Variants in SLC25A21 observed in about 807,000 individuals in gnomAD.
SLC25A21 encodes solute carrier family 25 member 21.
In SLC25A21, 47 loss-of-function variants were observed where a neutral mutation model predicts 43.8. The ratio of observed to expected loss-of-function variants is 1.07; its 90% CI spans 0.85 to 1.37. The LOEUF is 1.37. Ranked by LOEUF, SLC25A21 falls within the 40% of genes most tolerant of loss-of-function variation. The pLI is 0.00. For missense variants in SLC25A21, 352 were observed against 350.2 expected, an observed-to-expected ratio of 1.00 and a Z score of -0.04; for synonymous variants, 131 against 121.3, an observed-to-expected ratio of 1.08 and a Z score of -0.52.
intron 2 of SLC25A21, among the ~76,000 whole-genome samples, chr14:36,841,425 G>GGA (rs1397356320): frequency 4.6e-5 from 7 of 152,144 alleles, no homozygotes; most frequent in Non-Finnish European, 8.8e-5. Flanking sequence ...CTTACCTTGA[G>GGA]GCCAAGGCTC....
Position 36,734,822 on chromosome 14 carries a change from C to G in SLC25A21, c.204-249G>C, listed in dbSNP as rs374453815. Among the ~76,000 whole-genome samples the G allele has an allele frequency of 3.3e-5, 5 of 152,220 alleles. No homozygotes were observed. The East Asian group carries it at 9.7e-4, about 29-fold the overall frequency. Reference sequence around the variant, plus strand: ...TGCTAAGCATGACCATTAGTTGTACCTTAACGATGAATCTGACTGTCCTTA... The same window carrying G: ...TGCTAAGCATGACCATTAGTTGTACGTTAACGATGAATCTGACTGTCCTTA... On this transcript the variant is annotated intron_variant, in intron 3 of 9. Coordinates refer to ENST00000331299, the MANE Select transcript of SLC25A21 (RefSeq NM_030631.4).
intron 1 of SLC25A21, among the ~76,000 whole-genome samples, chr14:37,144,268 G>A (rs995286462): frequency 6.6e-6 from 1 of 152,040 alleles, no homozygotes; most frequent in Non-Finnish European, 1.5e-5. Context: ...TTAAAGACAA[G>A]GCCTTTGTAT....
intron 3 of SLC25A21, among the ~76,000 whole-genome samples, chr14:36,802,470 A>G (rs956676701): frequency 3.3e-5 from 5 of 152,198 alleles, no homozygotes; most frequent in African/African-American, 9.7e-5. Flanking sequence ...ATTAATACTG[A>G]GTGCTAGCAA....
chr14:37,091,937 G>T (rs1962594673), intron 1 of SLC25A21, among the ~76,000 whole-genome samples: 1 of 152,076 alleles, frequency 6.6e-6, no homozygotes, highest in Admixed American at 6.6e-5. Flanking sequence ...AGATCAGCCT[G>T]GGCAACATGG....
At chr14:36,719,500 T>C (rs1884290241) in intron 6 of SLC25A21, among the ~76,000 whole-genome samples, 1 of 152,194 alleles carries the variant, frequency 6.6e-6, no homozygotes, top group Non-Finnish European at 1.5e-5. Flanking sequence ...AACCAGAGCA[T>C]GACAAAGCTA....
chr14:36,964,665 T>C (rs1217011966), intron 1 of SLC25A21, among the ~76,000 whole-genome samples: 3 of 152,168 alleles, frequency 2.0e-5, no homozygotes, highest in Admixed American at 6.5e-5. Flanking sequence ...ACTCAAACAA[T>C]ACATTTAGGT....
intron 1 of SLC25A21, among the ~76,000 whole-genome samples, chr14:36,959,669 C>G (rs1959439439): frequency 6.6e-6 from 1 of 152,174 alleles, no homozygotes; most frequent in Admixed American, 6.5e-5. Context: ...GTTTTCATAT[C>G]TCTGAATTTC....
intron 1 of SLC25A21, among the ~76,000 whole-genome samples, chr14:36,933,198 T>TA (rs1892337423): frequency 6.6e-6 from 1 of 152,142 alleles, no homozygotes; most frequent in Admixed American, 6.6e-5. Context: ...GGAAAGAACT[T>TA]ACAAGATATA....
intron 3 of SLC25A21, among the ~76,000 whole-genome samples, chr14:36,760,912 G>T (rs1377033103): frequency 6.6e-6 from 1 of 151,928 alleles, no homozygotes; most frequent in Non-Finnish European, 1.5e-5. Flanking sequence ...AGGAAGAAAG[G>T]AAAGAAAGGA....
At chr14:36,720,957 A>C (rs945610520) in intron 6 of SLC25A21, among the ~76,000 whole-genome samples, 1 of 152,242 alleles carries the variant, frequency 6.6e-6, no homozygotes, top group African/African-American at 2.4e-5. Context: ...GACCTAAGGC[A>C]CACTGAGGGA....
intron 1 of SLC25A21, among the ~76,000 whole-genome samples, chr14:37,170,049 T>C (rs1964095561): frequency 6.6e-6 from 1 of 152,114 alleles, no homozygotes; most frequent in South Asian, 2.1e-4. Flanking sequence ...TCTACTTTTT[T>C]TTTTTGAGAC....
intron 3 of SLC25A21, among the ~76,000 whole-genome samples, chr14:36,740,958 G>T (rs1482923236): frequency 6.6e-6 from 1 of 152,140 alleles, no homozygotes; most frequent in Admixed American, 6.5e-5. Context: ...ACTAAAAAAA[G>T]TTCCTTGCTT....
intron 1 of SLC25A21, among the ~76,000 whole-genome samples, chr14:37,031,653 G>A (rs1961213407): frequency 6.6e-6 from 1 of 152,090 alleles, no homozygotes; most frequent in Non-Finnish European, 1.5e-5. Flanking sequence ...ACTAGATTAA[G>A]TTCAGCCATA....
chr14:37,149,672 C>A (rs1963726136), intron 1 of SLC25A21, among the ~76,000 whole-genome samples: 1 of 151,948 alleles, frequency 6.6e-6, no homozygotes, highest in African/African-American at 2.4e-5. Flanking sequence ...CCAGCCTGGG[C>A]ACAGACTCAG....
At chr14:36,766,752 G>T (rs544324824) in intron 3 of SLC25A21, among the ~76,000 whole-genome samples, 1 of 152,020 alleles carries the variant, frequency 6.6e-6, no homozygotes, top group South Asian at 2.1e-4. Context: ...CCTTAGAGTC[G>T]CCCCAACCGG....
chr14:36,879,182 T>C (rs968799738), intron 1 of SLC25A21, among the ~76,000 whole-genome samples: 1 of 152,230 alleles, frequency 6.6e-6, no homozygotes, highest in East Asian at 1.9e-4. Context: ...ATTTTGGGAA[T>C]AAAAAGCAGA....
chr14:36,680,518 T>TAA lies in SLC25A21; in HGVS notation c.*138_*139dup. ...TCTCAAGTTGCCTATAGACATTTTT[T>TAA]AAAGTATTAAAATAGATTTTGTTCT... On this transcript the variant is annotated 3_prime_UTR_variant, in exon 10 of 10. Transcript: ENST00000331299. 4 of 1,315,556 alleles carry TAA rather than the reference T, an allele frequency of 3.0e-6. No homozygotes were observed. The highest frequency in any genetic ancestry group is 2.9e-6 in the Non-Finnish European group (3 of 1,030,260). The allele number at this position is 1,315,556 out of a possible 1,614,324, so 81.5% of individuals were successfully genotyped here.
intron 1 of SLC25A21, among the ~76,000 whole-genome samples, chr14:37,107,420 C>T (rs1382706664): frequency 5.3e-5 from 8 of 152,006 alleles, no homozygotes; most frequent in South Asian, 2.1e-4. Context: ...TGGAGTCAAG[C>T]GGTCCTCCCT....
At chr14:37,091,475 C>T (rs1336142343) in intron 1 of SLC25A21, among the ~76,000 whole-genome samples, 2 of 151,604 alleles carry the variant, frequency 1.3e-5, no homozygotes, top group African/African-American at 4.8e-5. Context: ...TGCACAATGG[C>T]TTGGGGGCCA....
Sources: allele counts gnomAD v4.1 joint callset (sites outside exome capture counted in the v4.1 genomes callset), GRCh38; gene constraint gnomAD v4.1.1; transcripts MANE v1.5; gene names NCBI Gene and HGNC (gene_info 2026-07-23, HGNC 2026-07-21).